Variants in LRRIQ3 observed in about 807,000 individuals in gnomAD.
LRRIQ3 encodes leucine rich repeats and IQ motif containing 3, also known as leucine-rich repeat and IQ domain-containing protein 3.
A neutral mutation model predicts 59.3 loss-of-function variants in LRRIQ3; 75 were observed. The ratio of observed to expected loss-of-function variants is 1.26; its 90% CI spans 1.05 to 1.53. LRRIQ3 has a LOEUF of 1.53. Among genes scored for constraint, LRRIQ3 ranks in the 40% most tolerant of loss-of-function variants. The pLI, the probability that LRRIQ3 is intolerant of heterozygous loss-of-function variation, is 0.00. For missense variants in LRRIQ3, 831 were observed against 710.0 expected (o/e 1.17, Z -1.94); for synonymous variants, 250 against 231.3 (o/e 1.08, Z -0.73).
At chr1:74,033,784 T>C (rs1055716891) in intron 7 of LRRIQ3, among the ~76,000 whole-genome samples, 9 of 151,966 alleles carry the variant, frequency 5.9e-5, no homozygotes, top group African/African-American at 2.2e-4. Context: ...GGGAGGTCAA[T>C]TGATGACCAA....
At chr1:74,126,591 A>T (rs113415645) in intron 4 of LRRIQ3, among the ~76,000 whole-genome samples, 10 of 152,004 alleles carry the variant, frequency 6.6e-5, no homozygotes, top group African/African-American at 2.2e-4. Flanking sequence ...AATTTCCTTC[A>T]TAATCTGCTC....
chr1:74,195,356 T>C (rs1651045040), intron 1 of LRRIQ3, among the ~76,000 whole-genome samples: 1 of 152,112 alleles, frequency 6.6e-6, no homozygotes, highest in South Asian at 2.1e-4. Context: ...CAGGACCCTA[T>C]TCATTTGGCT....
intron 7 of LRRIQ3, among the ~76,000 whole-genome samples, chr1:74,029,492 G>A (rs1023912766): frequency 6.6e-6 from 1 of 152,006 alleles, no homozygotes; most frequent in African/African-American, 2.4e-5. Context: ...TTATATGCTG[G>A]ATTACGTTTA....
chr1:74,166,651 T>G (rs1649010548), intron 3 of LRRIQ3, among the ~76,000 whole-genome samples: 1 of 151,894 alleles, frequency 6.6e-6, no homozygotes, highest in Non-Finnish European at 1.5e-5. Context: ...ATATTTTCCC[T>G]CTTTTCCAAT....
At chr1:74,153,259 T>C (rs554962456) in intron 4 of LRRIQ3, among the ~76,000 whole-genome samples, 6 of 152,282 alleles carry the variant, frequency 3.9e-5, no homozygotes, top group South Asian at 4.1e-4. Flanking sequence ...GTACTAGAAA[T>C]ACTACCACTC....
At chr1:74,151,931 A>C (rs1648011611) in intron 4 of LRRIQ3, among the ~76,000 whole-genome samples, 1 of 152,206 alleles carries the variant, frequency 6.6e-6, no homozygotes, top group South Asian at 2.1e-4. Context: ...GCTTTTTCTT[A>C]AAGTTCAGAA....
intron 4 of LRRIQ3, among the ~76,000 whole-genome samples, chr1:74,128,457 T>C (rs1272194948): frequency 6.6e-6 from 1 of 152,104 alleles, no homozygotes; most frequent in Non-Finnish European, 1.5e-5. Flanking sequence ...AATTATTCAA[T>C]ATGTTTGCTA....
chr1:74,096,525 T>A (rs925789225), intron 5 of LRRIQ3, among the ~76,000 whole-genome samples: 13 of 152,110 alleles, frequency 8.5e-5, no homozygotes, highest in African/African-American at 3.1e-4. Flanking sequence ...AGAAGTATAA[T>A]CGTCTGAAGC....
chr1:74,183,273 G>A (rs1291738558), intron 2 of LRRIQ3, 163 bp downstream of exon 2: 19 of 517,336 alleles, frequency 3.7e-5, no homozygotes, highest in South Asian at 7.7e-5. Flanking sequence ...CAAAGTGTCC[G>A]TATTTATATA....
chr1:74,158,206 C>T (rs955676566), intron 3 of LRRIQ3, among the ~76,000 whole-genome samples: 1 of 152,054 alleles, frequency 6.6e-6, no homozygotes, highest in African/African-American at 2.4e-5. Context: ...TAACTTATAT[C>T]TTCATTAATT....
intron 4 of LRRIQ3, among the ~76,000 whole-genome samples, chr1:74,118,216 G>T (rs1646803662): frequency 1.3e-5 from 2 of 151,762 alleles, no homozygotes; most frequent in African/African-American, 4.8e-5. Context: ...CTACACTCTC[G>T]CTTTTACAGA....
intron 3 of LRRIQ3, among the ~76,000 whole-genome samples, chr1:74,175,451 T>A (rs1407615283): frequency 6.6e-6 from 1 of 152,148 alleles, no homozygotes; most frequent in East Asian, 1.9e-4. Context: ...CCTGAAATGC[T>A]GAGGAAAATG....
At chr1:74,031,730 G>T (rs950819397) in intron 7 of LRRIQ3, among the ~76,000 whole-genome samples, 1 of 151,990 alleles carries the variant, frequency 6.6e-6, no homozygotes, top group African/African-American at 2.4e-5. Context: ...CCTGCACGTT[G>T]TGCACATGTA....
chr1:74,053,831 T>C (rs2100422804), intron 6 of LRRIQ3, among the ~76,000 whole-genome samples: 1 of 152,244 alleles, frequency 6.6e-6, no homozygotes, highest in East Asian at 1.9e-4. Flanking sequence ...ACTACACACC[T>C]ACTAGAATGG....
chr1:74,125,308 T>C (rs116249649), intron 4 of LRRIQ3, among the ~76,000 whole-genome samples: 1,718 of 152,072 alleles, frequency 0.011, 48 homozygotes, highest in East Asian at 0.055. Flanking sequence ...CAAACAAAGA[T>C]AATTTGACTT....
intron 7 of LRRIQ3, among the ~76,000 whole-genome samples, chr1:74,036,400 A>T (rs1014561485): frequency 6.6e-6 from 1 of 152,158 alleles, no homozygotes; most frequent in Non-Finnish European, 1.5e-5. Flanking sequence ...TTTTTGTTCC[A>T]ATCATACTTC....
At chr1:74,153,417 T>C (rs1387686196) in intron 4 of LRRIQ3, among the ~76,000 whole-genome samples, 1 of 152,182 alleles carries the variant, frequency 6.6e-6, no homozygotes, top group East Asian at 1.9e-4. Flanking sequence ...AGAAGACTAA[T>C]CACTCGGACC....
chr1:74,107,056 T>C (rs1282059414), intron 5 of LRRIQ3, among the ~76,000 whole-genome samples: 1 of 152,022 alleles, frequency 6.6e-6, no homozygotes, highest in Non-Finnish European at 1.5e-5. Context: ...TCTTGCTCCA[T>C]AAACACTGGA....
chr1:74,045,005 G>T (rs1654158228), intron 6 of LRRIQ3, among the ~76,000 whole-genome samples: 1 of 152,106 alleles, frequency 6.6e-6, no homozygotes, highest in Non-Finnish European at 1.5e-5. Context: ...GGACCAGAGG[G>T]ATTCACAGCC....
Sources: gnomAD v4.1 joint callset for allele counts (sites outside exome capture counted in the v4.1 genomes callset) on GRCh38, gnomAD v4.1.1 for gene constraint, MANE v1.5 for transcripts, NCBI Gene and HGNC (gene_info 2026-07-23, HGNC 2026-07-21) for gene names.